CPNE4: variants seen among roughly 807,000 people sequenced by gnomAD.
CPNE4 encodes the protein copine-4.
A neutral mutation model predicts 67.9 loss-of-function variants in CPNE4; 25 were observed. The ratio of observed to expected loss-of-function variants is 0.37; its 90% CI spans 0.27 to 0.51. The LOEUF (loss-of-function observed/expected upper bound fraction) is 0.51, where lower values mean the gene tolerates loss of function less well. Ranked by LOEUF, CPNE4 falls within the 20% of genes least tolerant of loss-of-function variation. The pLI is 0.93. For missense variants in CPNE4, 464 were observed against 690.8 expected, an observed-to-expected ratio of 0.67 and a Z score of 3.68; for synonymous variants, 242 against 244.9, an observed-to-expected ratio of 0.99 and a Z score of 0.11.
chr3:131,628,878 G>GTT (rs554785485), intron 7 of CPNE4, among the ~76,000 whole-genome samples: 1 of 146,948 alleles, frequency 6.8e-6, no homozygotes, highest in African/African-American at 2.6e-5. Flanking sequence ...TTTTTGAAGG[G>GTT]TTTTTTGTGT....
chr3:131,808,477 C>T (rs1303026687), intron 2 of CPNE4, among the ~76,000 whole-genome samples: 1 of 151,012 alleles, frequency 6.6e-6, no homozygotes, highest in Non-Finnish European at 1.5e-5. Flanking sequence ...TCAGTGAACT[C>T]AAAAATCAAT....
At chr3:131,941,324 A>G (rs772065916) in intron 1 of CPNE4, among the ~76,000 whole-genome samples, 3 of 152,100 alleles carry the variant, frequency 2.0e-5, no homozygotes, top group Non-Finnish European at 2.9e-5. Flanking sequence ...ATTTACATGC[A>G]TTATATATGT....
chr3:131,845,882 G>A (rs1248608679), intron 2 of CPNE4, among the ~76,000 whole-genome samples: 1 of 152,132 alleles, frequency 6.6e-6, no homozygotes, highest in African/African-American at 2.4e-5. Context: ...GCTTTGTATT[G>A]TGACAGAAAA....
chr3:131,846,693 T>C (rs1334917323), intron 2 of CPNE4, among the ~76,000 whole-genome samples: 1 of 152,176 alleles, frequency 6.6e-6, no homozygotes. Flanking sequence ...ACCCACACAG[T>C]AAGGAGATGA....
At chr3:131,626,311 C>T (rs149303683) in intron 7 of CPNE4, among the ~76,000 whole-genome samples, 312 of 152,288 alleles carry the variant, frequency 2.0e-3, no homozygotes, top group African/African-American at 6.9e-3. Context: ...TTGCAACAAA[C>T]GCTTAGTCAA....
chr3:131,720,912 G>A (rs925667822), intron 3 of CPNE4, among the ~76,000 whole-genome samples: 4 of 152,138 alleles, frequency 2.6e-5, no homozygotes, highest in African/African-American at 7.2e-5. Flanking sequence ...GAGGCTTTGT[G>A]TATAATGTTC....
intron 1 of CPNE4, among the ~76,000 whole-genome samples, chr3:132,028,930 T>C (rs1259052944): frequency 2.6e-5 from 4 of 151,918 alleles, no homozygotes; most frequent in Non-Finnish European, 5.9e-5. Flanking sequence ...TTTTCTTTTT[T>C]TTTTTTTTAA....
intron 3 of CPNE4, among the ~76,000 whole-genome samples, chr3:131,711,867 T>A (rs1207304449): frequency 6.6e-6 from 1 of 152,208 alleles, no homozygotes; most frequent in African/African-American, 2.4e-5. Context: ...TTAACTTATT[T>A]GTTCTTCGTG....
chr3:132,005,336 TATATATACACACACACACACACACAC>T (rs1158828832), intron 1 of CPNE4, among the ~76,000 whole-genome samples: 11 of 24,358 alleles, frequency 4.5e-4, no homozygotes, highest in African/African-American at 1.2e-3. Flanking sequence ...TATATATATA[TATATATACACACACACACACACACAC>T]ACACACACAC....
At chr3:132,001,258 T>C (rs775110938) in intron 1 of CPNE4, among the ~76,000 whole-genome samples, 31 of 151,982 alleles carry the variant, frequency 2.0e-4, no homozygotes, top group Non-Finnish European at 4.1e-4. Context: ...GATTACTTTA[T>C]TCGAACAGAT....
At chr3:131,634,522 G>A (rs563740347) in intron 7 of CPNE4, among the ~76,000 whole-genome samples, 1 of 152,176 alleles carries the variant, frequency 6.6e-6, no homozygotes, top group East Asian at 1.9e-4. Flanking sequence ...CCAGTTTAGA[G>A]GCCAGTAATA....
At chr3:131,952,064 G>T (rs1391409329) in intron 1 of CPNE4, among the ~76,000 whole-genome samples, 1 of 146,918 alleles carries the variant, frequency 6.8e-6, no homozygotes, top group East Asian at 2.1e-4. Context: ...TGGCTGCCCA[G>T]TCTGGAAAGT....
intron 1 of CPNE4, among the ~76,000 whole-genome samples, chr3:131,985,184 A>G (rs1030212480): frequency 1.3e-5 from 2 of 152,174 alleles, no homozygotes; most frequent in Non-Finnish European, 2.9e-5. Flanking sequence ...TTGTAAGGGC[A>G]CTAATCCCAT....
chr3:131,552,491 C>T lies in CPNE4; in HGVS notation c.1117G>A (p.Val373Ile). ...AAGTTGATTGCAAAGTCATGAGAGACCTAGACACCGATTAAAATTTAAAAA... is the reference window on the plus strand; with the variant it reads ...AAGTTGATTGCAAAGTCATGAGAGATCTAGACACCGATTAAAATTTAAAAA... The part of the protein sequence containing the change: ...FGARIPPEYT[V>I]SHDFAINFNE... The change falls in exon 13 of 16, where the codon GTC (valine) becomes ATC (isoleucine). Residue 373 changes from valine to isoleucine, a missense_variant and splice_region_variant. By Grantham distance (29) the Val-to-Ile change is conservative (BLOSUM62 3). Coordinates refer to ENST00000429747, the MANE Select transcript of CPNE4 (RefSeq NM_130808.3). 1 of 1,611,396 alleles carries T rather than the reference C, an allele frequency of 6.2e-7. No homozygotes were observed. Among genetic ancestry groups the T allele is most frequent in the Non-Finnish European group, 8.5e-7 (1 of 1,178,158 alleles).
Position 131,537,969 on chromosome 3 carries a change from G to T in CPNE4, c.1540-2640C>A, listed in dbSNP as rs138066407. 1.8e-3 allele frequency among the ~76,000 whole-genome samples: 271 copies of T among 152,246 alleles called. 2 individuals are homozygous for T. The highest frequency in any genetic ancestry group is 3.2e-3 in the Non-Finnish European group (215 of 68,010). ...TGGGGGACTGTCCGGTGCACTGCAGGAAGTTTAGCAGCATCCTTGGCCTCT... is the reference window on the plus strand; with the variant it reads ...TGGGGGACTGTCCGGTGCACTGCAGTAAGTTTAGCAGCATCCTTGGCCTCT... On this transcript the variant is annotated intron_variant, in intron 15 of 15. Transcript: ENST00000429747.
At chr3:131,690,280 T>C (rs1269091920) in intron 5 of CPNE4, among the ~76,000 whole-genome samples, 1 of 152,104 alleles carries the variant, frequency 6.6e-6, no homozygotes, top group Non-Finnish European at 1.5e-5. Flanking sequence ...ATTACCCAAC[T>C]TCAAACTATA....
At chr3:131,846,280 A>G (rs1295324944) in intron 2 of CPNE4, among the ~76,000 whole-genome samples, 1 of 152,204 alleles carries the variant, frequency 6.6e-6, no homozygotes. Context: ...CCAGGATCCA[A>G]GAGGTGTTCG....
At chr3:131,711,070 A>G (rs753593991) in intron 3 of CPNE4, among the ~76,000 whole-genome samples, 2 of 152,310 alleles carry the variant, frequency 1.3e-5, no homozygotes, top group South Asian at 2.1e-4. Context: ...CGTAAAATAT[A>G]TTGTCCAAAT....
chr3:131,980,180 A>G (rs926127265), intron 1 of CPNE4, among the ~76,000 whole-genome samples: 5 of 152,062 alleles, frequency 3.3e-5, no homozygotes, highest in African/African-American at 1.2e-4. Context: ...GCCTAGGTGA[A>G]TATCTTTTTG....
Sources: allele counts gnomAD v4.1 joint callset (sites outside exome capture counted in the v4.1 genomes callset), GRCh38; gene constraint gnomAD v4.1.1; transcripts MANE v1.5; gene names NCBI Gene and HGNC (gene_info 2026-07-23, HGNC 2026-07-21).